The following ZNF469 variants were observed in gnomAD, a reference collection of about 807,000 sequenced individuals.
ZNF469 encodes zinc finger protein 469.
A neutral mutation model predicts 1.0 loss-of-function variants in ZNF469; 1 was observed. That is an observed-to-expected ratio of 1.00 (90% CI 0.35 to 4.73). The LOEUF (loss-of-function observed/expected upper bound fraction) is 4.73, where lower values mean the gene tolerates loss of function less well. Ranked by LOEUF, ZNF469 falls within the 30% of genes most tolerant of loss-of-function variation. The pLI, the probability that ZNF469 is intolerant of heterozygous loss-of-function variation, is 0.16. For missense variants in ZNF469, 6,100 were observed against 5,356.3 expected (o/e 1.14, Z -4.33); for synonymous variants, 2,703 against 2,363.4 (o/e 1.14, Z -4.17).
chr16:88,329,607 G>T, the ZNF469 span, among the ~76,000 whole-genome samples: 6 of 152,220 alleles, frequency 3.9e-5, no homozygotes, highest in African/African-American at 1.2e-4. Context: ...TGCCCCTGAA[G>T]GCCCCAAATC....
chr16:88,253,342 C>T, the ZNF469 span, among the ~76,000 whole-genome samples: 2 of 152,202 alleles, frequency 1.3e-5, no homozygotes, highest in African/African-American at 4.8e-5. Flanking sequence ...TGTCCCGCTT[C>T]ATTACCTACA....
the ZNF469 span, among the ~76,000 whole-genome samples, chr16:88,149,013 T>C: frequency 6.6e-6 from 1 of 152,230 alleles, no homozygotes; most frequent in Non-Finnish European, 1.5e-5. Context: ...GTCAGGCCCT[T>C]CTGGCTGTCT....
Position 88,430,273 on chromosome 16 carries a change from G to C in ZNF469, c.2803G>C (p.Glu935Gln). The change falls in exon 3 of 3, where the codon GAG (glutamate) becomes CAG (glutamine). Residue 935 changes from glutamate to glutamine, a missense_variant. By Grantham distance (29) the Glu-to-Gln change is conservative. Transcript: ENST00000565624. ...GCGTTCCCTGGGTCTGGCCCCCACCGAGGCGGATGCGCCCAGCCAGGGCAG... is the reference window on the plus strand; with the variant it reads ...GCGTTCCCTGGGTCTGGCCCCCACCCAGGCGGATGCGCCCAGCCAGGGCAG... ...KTRSLGLAPT[E>Q]ADAPSQGRQQ... 6.6e-7 allele frequency: 1 copy of C among 1,515,832 alleles called. No homozygotes were observed. Among genetic ancestry groups the C allele is most frequent in the South Asian group, 1.2e-5 (1 of 80,672 alleles). The allele number at this position is 1,515,832 out of a possible 1,614,324, so 93.9% of individuals were successfully genotyped here.
At chr16:88,125,914 C>T in the ZNF469 span, among the ~76,000 whole-genome samples, 8 of 152,046 alleles carry the variant, frequency 5.3e-5, no homozygotes, top group African/African-American at 1.5e-4. Flanking sequence ...TCCGGTTGGG[C>T]GCAGTGGCTC....
At chr16:88,353,892 C>T in the ZNF469 span, among the ~76,000 whole-genome samples, 2 of 152,178 alleles carry the variant, frequency 1.3e-5, no homozygotes, top group African/African-American at 4.8e-5. Flanking sequence ...ATGACCCTCC[C>T]CTCCCTGCTG....
At chr16:88,381,534 G>GAA (rs2092525404), upstream of ZNF469, among the ~76,000 whole-genome samples, 2 of 152,218 alleles carry the variant, frequency 1.3e-5, no homozygotes, top group African/African-American at 2.4e-5. Context: ...CACAGCCAGG[G>GAA]GACCCCTGGC....
rs1300609727 is a variant in ZNF469 at position 88,430,381 on chromosome 16, G to A, written c.2911G>A (p.Gly971Ser). 19 of 1,513,656 alleles carry A rather than the reference G, an allele frequency of 1.3e-5. No homozygotes were observed. The highest frequency in any genetic ancestry group is 2.5e-5 in the East Asian group (1 of 40,404). 93.8% of individuals were successfully genotyped at this position (1,513,656 alleles called of 1,614,324 possible). Residue 971 changes from glycine to serine, a missense_variant, in exon 3 of 3, where the codon GGC becomes AGC. By Grantham distance (56) the Gly-to-Ser change is moderately conservative. Transcript: ENST00000565624. ...CGCAGCAGAGGGGTCGGGGTCGGGCGGCGGCGGCAGAGCCTCCGGCCTGAG... is the reference window on the plus strand; with the variant it reads ...CGCAGCAGAGGGGTCGGGGTCGGGCAGCGGCGGCAGAGCCTCCGGCCTGAG... ...GGAAEGSGSG[G>S]GGRASGLRPR...
At chr16:88,322,801 G>C in the ZNF469 span, among the ~76,000 whole-genome samples, 1 of 152,172 alleles carries the variant, frequency 6.6e-6, no homozygotes, top group Non-Finnish European at 1.5e-5. Flanking sequence ...CGTGGGATGG[G>C]GGAACCATCG....
chr16:88,198,241 G>A, the ZNF469 span, among the ~76,000 whole-genome samples: 37 of 152,360 alleles, frequency 2.4e-4, no homozygotes, highest in African/African-American at 4.3e-4. Flanking sequence ...AGACAAAGCT[G>A]TGAAAGGATG....
chr16:88,132,259 A>G, the ZNF469 span, among the ~76,000 whole-genome samples: 1 of 152,234 alleles, frequency 6.6e-6, no homozygotes, highest in Non-Finnish European at 1.5e-5. Flanking sequence ...GCACCCAGGA[A>G]GTGATCCCAG....
At chr16:88,240,004 G>T in the ZNF469 span, among the ~76,000 whole-genome samples, 5 of 150,338 alleles carry the variant, frequency 3.3e-5, no homozygotes, top group African/African-American at 9.8e-5. Context: ...CCCCATTGGC[G>T]GTGGAGGGGC....
chr16:88,343,267 G>T, the ZNF469 span, among the ~76,000 whole-genome samples: 497 of 152,292 alleles, frequency 3.3e-3, 2 homozygotes, highest in African/African-American at 0.011. Context: ...ACATGGTATG[G>T]GGTTGTATGG....
At chr16:88,340,405 G>A in the ZNF469 span, among the ~76,000 whole-genome samples, 1 of 152,210 alleles carries the variant, frequency 6.6e-6, no homozygotes. Context: ...GACATGAACA[G>A]GTGTCATGGG....
the ZNF469 span, among the ~76,000 whole-genome samples, chr16:88,104,202 C>G: frequency 6.7e-6 from 1 of 148,850 alleles, no homozygotes; most frequent in Non-Finnish European, 1.5e-5. Flanking sequence ...CTTGCCTGCA[C>G]CAGGACTGTC....
the ZNF469 span, among the ~76,000 whole-genome samples, chr16:88,312,036 C>G: frequency 9.2e-5 from 14 of 152,200 alleles, 1 homozygote; most frequent in African/African-American, 3.1e-4. Context: ...TGGCAGAAGA[C>G]AAAGGAAGAG....
chr16:88,206,825 AG>A, the ZNF469 span, among the ~76,000 whole-genome samples: 2 of 85,822 alleles, frequency 2.3e-5, no homozygotes, highest in Admixed American at 1.2e-4. Flanking sequence ...GACGGAGGGG[AG>A]GGGAGGCCGC....
At position 88,432,810 on chromosome 16, in the gene ZNF469, C is replaced by T. The variant is rs184374078; in HGVS notation, c.5340C>T (p.Pro1780=). 129 of 1,550,358 alleles carry T rather than the reference C, an allele frequency of 8.3e-5. 1 individual carries two copies. The highest frequency in any genetic ancestry group is 3.5e-4 in the Admixed American group (18 of 51,004). ...CEQRGGFLPE[P]GTADQPHRGA... ...AGAGAGGAGGGTTCCTCCCAGAGCC[C>T]GGCACAGCAGACCAGCCCCACCGAG... The change falls in exon 3 of 3, where the codon CCC becomes CCT. Residue 1780 remains proline, a synonymous_variant. Coordinates refer to ENST00000565624, the MANE Select transcript of ZNF469 (RefSeq NM_001367624.2).
At chr16:88,163,569 G>A in the ZNF469 span, among the ~76,000 whole-genome samples, 13,783 of 149,618 alleles carry the variant, frequency 0.092, 793 homozygotes, top group African/African-American at 0.14. Context: ...TGGGTGAGTG[G>A]ATGAATAGTA....
chr16:88,215,631 C>G, the ZNF469 span, among the ~76,000 whole-genome samples: 31 of 152,010 alleles, frequency 2.0e-4, no homozygotes, highest in African/African-American at 7.5e-4. Flanking sequence ...CTCAGATGAT[C>G]TGCCCACCTC....
Sources: allele counts gnomAD v4.1 joint callset (sites outside exome capture counted in the v4.1 genomes callset), GRCh38; gene constraint gnomAD v4.1.1; transcripts MANE v1.5; gene names NCBI Gene and HGNC (gene_info 2026-07-23, HGNC 2026-07-21).